ARHGEF7: variants seen among roughly 807,000 people sequenced by gnomAD.
The protein encoded by ARHGEF7 is Rho guanine nucleotide exchange factor 7, also known as PAK-interacting exchange factor beta.
A neutral mutation model predicts 109.8 loss-of-function variants in ARHGEF7; 33 were observed. The ratio of observed to expected loss-of-function variants is 0.30; its 90% CI spans 0.23 to 0.40. The LOEUF (loss-of-function observed/expected upper bound fraction) is 0.40, where lower values mean the gene tolerates loss of function less well. Ranked by LOEUF, ARHGEF7 falls within the 10% of genes least tolerant of loss-of-function variation. ARHGEF7 has a pLI of 1.00. For synonymous variants in ARHGEF7, 458 were observed against 424.6 expected (o/e 1.08, Z -0.97); for missense variants, 938 against 1,098.5 (o/e 0.85, Z 2.07).
intron 2 of ARHGEF7, among the ~76,000 whole-genome samples, chr13:111,157,010 C>G (rs1034668662): frequency 3.3e-5 from 5 of 152,162 alleles, no homozygotes; most frequent in African/African-American, 9.7e-5. Flanking sequence ...AGGAAGTAAA[C>G]TTGGTTAATA....
intron 3 of ARHGEF7, among the ~76,000 whole-genome samples, chr13:111,206,960 T>TAAAAAAAAAAAAAAA (rs35814705): frequency 3.7e-5 from 2 of 53,716 alleles, no homozygotes; most frequent in African/African-American, 6.6e-5. Context: ...AGACTCCATC[T>TAAAAAAAAAAAAAAA]AAAAAAAAAA....
At chr13:111,221,139 A>G (rs2083796070) in intron 5 of ARHGEF7, among the ~76,000 whole-genome samples, 1 of 100,546 alleles carries the variant, frequency 9.9e-6, no homozygotes, top group Non-Finnish European at 2.0e-5. Context: ...ACTCCCTTTC[A>G]TATATATATA....
At chr13:111,197,072 A>G (rs2080597645) in intron 2 of ARHGEF7, among the ~76,000 whole-genome samples, 2 of 152,266 alleles carry the variant, frequency 1.3e-5, no homozygotes, top group African/African-American at 4.8e-5. Flanking sequence ...AGACAAAACC[A>G]CCTGCAGTTT....
chr13:111,121,538 T>G (rs1396271202), intron 1 of ARHGEF7, among the ~76,000 whole-genome samples: 1 of 152,048 alleles, frequency 6.6e-6, no homozygotes, highest in African/African-American at 2.4e-5. Context: ...CCGTTTGTTC[T>G]TGTGTAGGGT....
chr13:111,281,736 A>G (rs74705993), intron 15 of ARHGEF7, among the ~76,000 whole-genome samples: 3,259 of 152,286 alleles, frequency 0.021, 121 homozygotes, highest in African/African-American at 0.075. Flanking sequence ...TCTACTTCAT[A>G]CAATTTTATA....
intron 2 of ARHGEF7, among the ~76,000 whole-genome samples, chr13:111,157,782 G>A (rs778608056): frequency 5.3e-5 from 8 of 152,188 alleles, no homozygotes. Context: ...TGTAGGATGT[G>A]TATGTGTGCA....
At position 111,121,577 on chromosome 13, in the gene ARHGEF7, G is replaced by A. The variant is rs904547661; in HGVS notation, c.165+5886G>A. 2.0e-5 allele frequency among the ~76,000 whole-genome samples: 3 copies of A among 151,550 alleles called. No homozygotes were observed. The East Asian group carries it at 5.9e-4, about 30-fold the overall frequency. ...TTTTAGCCGTTTGGATTGGAGTCTT[G>A]TGTAGGCTTGACGCCCACGCGTCTC... On this transcript the variant is annotated intron_variant, in intron 1 of 21. Transcript: ENST00000646102.
At chr13:111,268,183 C>T (rs1465639962) in intron 9 of ARHGEF7, among the ~76,000 whole-genome samples, 1 of 152,112 alleles carries the variant, frequency 6.6e-6, no homozygotes, top group Non-Finnish European at 1.5e-5. Flanking sequence ...CTGCTTCCTG[C>T]GAATTGGAGG....
intron 17 of ARHGEF7, 119 bp downstream of exon 17, chr13:111,286,359 T>G: frequency 1.2e-6 from 1 of 801,070 alleles, no homozygotes; most frequent in Non-Finnish European, 2.1e-6. Context: ...AAGTAAGGTC[T>G]GCCCCTTGAG....
chr13:111,168,950 A>C (rs2077355011), intron 2 of ARHGEF7, among the ~76,000 whole-genome samples: 1 of 152,226 alleles, frequency 6.6e-6, no homozygotes, highest in Non-Finnish European at 1.5e-5. Flanking sequence ...GAGGATGCAG[A>C]CAGCAACTCA....
At chr13:111,186,937 G>C (rs2079322966) in intron 2 of ARHGEF7, 1 of 985,540 alleles carries the variant, frequency 1.0e-6, no homozygotes, top group African/African-American at 1.7e-5. Context: ...CTACTACGTA[G>C]AGGTGCATCA....
intron 2 of ARHGEF7, among the ~76,000 whole-genome samples, chr13:111,183,457 A>T (rs2078959508): frequency 6.6e-6 from 1 of 151,136 alleles, no homozygotes; most frequent in African/African-American, 2.4e-5. Context: ...ATGTTTTTTG[A>T]TGGGGTCTAC....
chr13:111,174,180 A>C (rs1361710234), intron 2 of ARHGEF7, among the ~76,000 whole-genome samples: 1 of 152,224 alleles, frequency 6.6e-6, no homozygotes, highest in Non-Finnish European at 1.5e-5. Context: ...AATCTAGGTA[A>C]TATTTTATAG....
chr13:111,121,467 T>C (rs74126717), intron 1 of ARHGEF7, among the ~76,000 whole-genome samples: 1 of 152,240 alleles, frequency 6.6e-6, no homozygotes, highest in African/African-American at 2.4e-5. Flanking sequence ...TAGAGGCCAC[T>C]GATCACTCTA....
chr13:111,132,897 G>T (rs1354006489), intron 1 of ARHGEF7, among the ~76,000 whole-genome samples: 1 of 151,396 alleles, frequency 6.6e-6, no homozygotes, highest in Non-Finnish European at 1.5e-5. Context: ...TGAGGGAAGG[G>T]AGAATGATAT....
At chr13:111,183,127 A>G (rs1271722621) in intron 2 of ARHGEF7, among the ~76,000 whole-genome samples, 1 of 152,246 alleles carries the variant, frequency 6.6e-6, no homozygotes, top group Non-Finnish European at 1.5e-5. Flanking sequence ...CCTACAAGGT[A>G]GAACCAAGGT....
intron 5 of ARHGEF7, 93 bp from the exon 6 acceptor site, chr13:111,233,112 C>A: frequency 9.5e-7 from 1 of 1,050,004 alleles, no homozygotes; most frequent in Non-Finnish European, 1.5e-6. Context: ...TTCAGTGAGG[C>A]TGCTGGATGA....
rs147630196 is a variant in ARHGEF7, at chr13:111,239,111, C to T, written c.760-4761C>T. ...ACCATGAGAACAGCATAGGGGAACG[C>T]GCTGCGTGCCCCTGCTCCCCCACAC... On this transcript the variant is annotated intron_variant, in intron 6 of 21. Coordinates refer to ENST00000646102, the MANE Select transcript of ARHGEF7 (RefSeq NM_001354046.2). The surrounding 1 kb of genome is among the most constrained non-coding windows in gnomAD (Gnocchi z 4.3). 3.9e-5 allele frequency among the ~76,000 whole-genome samples: 6 copies of T among 152,170 alleles called. No homozygotes were observed. Among genetic ancestry groups the T allele is most frequent in the African/African-American group, 7.2e-5 (3 of 41,522 alleles).
chr13:111,156,196 T>A (rs557498864), intron 2 of ARHGEF7, among the ~76,000 whole-genome samples: 4 of 94,344 alleles, frequency 4.2e-5, no homozygotes, highest in African/African-American at 1.2e-4. Flanking sequence ...AAGAGTTTAT[T>A]TGAAGGTTTT....
Sources: allele counts gnomAD v4.1 joint callset (sites outside exome capture counted in the v4.1 genomes callset), GRCh38; gene constraint gnomAD v4.1.1; non-coding constraint Gnocchi (gnomAD v3.1); transcripts MANE v1.5; gene names NCBI Gene and HGNC (gene_info 2026-07-23, HGNC 2026-07-21).